TUT7: variants seen among roughly 807,000 people sequenced by gnomAD.
TUT7 encodes the protein terminal uridylyl transferase 7.
A neutral mutation model predicts 165.9 loss-of-function variants in TUT7; 33 were observed. The observed-to-expected ratio is 0.20, with a 90% CI of 0.15 to 0.27. TUT7 has a LOEUF of 0.27. Among genes scored for constraint, TUT7 ranks in the 10% least tolerant of loss-of-function variants. The pLI, the probability that TUT7 is intolerant of heterozygous loss-of-function variation, is 1.00. For missense variants in TUT7, 1,338 were observed against 1,762.3 expected (o/e 0.76, Z 4.31); for synonymous variants, 552 against 608.1 (o/e 0.91, Z 1.36).
chr9:86,298,176 G>A (rs555269469), intron 26 of TUT7, among the ~76,000 whole-genome samples: 7 of 152,028 alleles, frequency 4.6e-5, no homozygotes, highest in Admixed American at 6.5e-5. Context: ...CCTAGCATTT[G>A]CCACCACATG....
chr9:86,299,144 C>T (rs1037774600), intron 26 of TUT7, among the ~76,000 whole-genome samples: 4 of 152,148 alleles, frequency 2.6e-5, no homozygotes, highest in African/African-American at 7.2e-5. Context: ...CAGGGAGCAG[C>T]TCCTGAGTGA....
At chr9:86,290,072 T>C (rs1480388793) in intron 26 of TUT7, among the ~76,000 whole-genome samples, 1 of 152,152 alleles carries the variant, frequency 6.6e-6, no homozygotes, top group Admixed American at 6.5e-5. Context: ...ATCTGTAAAA[T>C]GAGGACAATA....
In TUT7 at chr9:86,325,349, G is replaced by A. The variant is rs754376979; in HGVS notation, c.1774C>T (p.Arg592Cys). ...TTTGAGATACCTTCAATGGCAATGC[G>A]CTTTTTGGGCCAATCCTTCAATTCC... The part of the protein sequence containing the change: ...SRELKDWPKK[R>C]IAIEDPYSVK... The change falls in exon 12 of 27, where the codon CGC (arginine) becomes TGC (cysteine). Residue 592 changes from arginine (R) to cysteine (C), a missense_variant. Around this residue, in one of 7 missense-constraint regions of TUT7, gnomAD observed 28 missense variants for 69.4 expected, o/e 0.40. Transcript: ENST00000375963. 3 of 1,613,630 alleles carry A rather than the reference G, an allele frequency of 1.9e-6. No individual in the cohort carries two copies. The Admixed American group carries it at 5.0e-5, about 27-fold the overall frequency.
chr9:86,291,030 T>C (rs1046156024), intron 26 of TUT7, among the ~76,000 whole-genome samples: 2 of 152,156 alleles, frequency 1.3e-5, no homozygotes, highest in Non-Finnish European at 2.9e-5. Context: ...CCCTAAATTA[T>C]GAACCAAATG....
chr9:86,327,693 C>CACT (rs888848230), intron 11 of TUT7, among the ~76,000 whole-genome samples: 2 of 152,224 alleles, frequency 1.3e-5, no homozygotes, highest in African/African-American at 4.8e-5. Context: ...TCTGATTCAC[C>CACT]ACTAACTCCT....
chr9:86,290,686 CAAAAAA>C (rs749800073), intron 26 of TUT7, among the ~76,000 whole-genome samples: 1 of 54,774 alleles, frequency 1.8e-5, no homozygotes, highest in Non-Finnish European at 3.9e-5. Context: ...TACTAAAATA[CAAAAAA>C]AAAAAAAAAA....
chr9:86,335,310 T>C (rs938297950), intron 10 of TUT7, among the ~76,000 whole-genome samples: 2 of 152,190 alleles, frequency 1.3e-5, no homozygotes, highest in African/African-American at 4.8e-5. Context: ...AAAGTATGAA[T>C]ATCTGCTAAG....
rs1829477598 is a variant in TUT7 at position 86,323,188 on chromosome 9, CTCT to C, written c.2559_2561del (p.Glu859del). The C allele has an allele frequency of 1.4e-5, 23 of 1,614,034 alleles. No individual in the cohort carries two copies. Among genetic ancestry groups the C allele is most frequent in the Non-Finnish European group, 1.7e-5 (20 of 1,180,024 alleles). On this transcript the variant is annotated inframe_deletion, in exon 13 of 27. Coordinates refer to ENST00000375963, the MANE Select transcript of TUT7 (RefSeq NM_024617.4). Reference sequence around the variant, plus strand: ...TGAGCCTAGGTTCTTCTTCCTCCTCCTCTTCTTCGTCGTCCTCCTCCTCTTCAT... The same window carrying C: ...TGAGCCTAGGTTCTTCTTCCTCCTCCTCTTCGTCGTCCTCCTCCTCTTCAT...
At chr9:86,316,309 G>GA (rs1291982553) in intron 17 of TUT7, among the ~76,000 whole-genome samples, 1 of 152,064 alleles carries the variant, frequency 6.6e-6, no homozygotes, top group Non-Finnish European at 1.5e-5. Context: ...ATTTATCAAT[G>GA]AAAAAAAGAG....
intron 20 of TUT7, 28 bp from the exon 21 acceptor site, chr9:86,309,317 T>A (rs200993973): frequency 2.8e-5 from 41 of 1,477,242 alleles, no homozygotes; most frequent in Admixed American, 5.7e-5. Context: ...ACTATTAGTA[T>A]GGATTACAAA....
chr9:86,294,011 A>G (rs1048138694), intron 26 of TUT7, among the ~76,000 whole-genome samples: 1 of 152,158 alleles, frequency 6.6e-6, no homozygotes, highest in East Asian at 1.9e-4. Context: ...GTCTCAAAGT[A>G]CTAGGATTAT....
At chr9:86,320,966 C>T (rs1002437822) in intron 14 of TUT7, among the ~76,000 whole-genome samples, 16 of 152,284 alleles carry the variant, frequency 1.1e-4, no homozygotes, top group Admixed American at 3.9e-4. Context: ...TTTCTGGGGC[C>T]TGGATCTGCT....
rs1221989000 is a variant in TUT7 at position 86,311,847 on chromosome 9, C to A, written c.3275-1038G>T. On this transcript the variant is annotated intron_variant, in intron 17 of 26. Coordinates refer to ENST00000375963, the MANE Select transcript of TUT7 (RefSeq NM_024617.4). The surrounding 1 kb of genome is among the most constrained non-coding windows in gnomAD (Gnocchi z 4.4). ...GTGTTGGCCGGGCTGGTCTCCAGCT[C>A]CTAACCACGAGTGATCCGCCAGCCT... 6.6e-6 allele frequency among the ~76,000 whole-genome samples: 1 copy of A among 152,244 alleles called. No individual in the cohort carries two copies. The highest frequency in any genetic ancestry group is 1.5e-5 in the Non-Finnish European group (1 of 68,040).
chr9:86,313,906 A>T (rs961992327), intron 17 of TUT7, among the ~76,000 whole-genome samples: 3 of 152,204 alleles, frequency 2.0e-5, no homozygotes, highest in Admixed American at 1.3e-4. Context: ...TAGGTAGAAG[A>T]CATTTCAGGA....
Position 86,288,540 on chromosome 9 carries a change from T to TAA in TUT7, c.*135_*136dup. 3 of 555,260 alleles carry TAA rather than the reference T, an allele frequency of 5.4e-6. No individual in the cohort carries two copies. Among genetic ancestry groups the TAA allele is most frequent in the Non-Finnish European group, 9.0e-6 (3 of 334,716 alleles). 34.4% of individuals were successfully genotyped at this position (555,260 alleles called of 1,614,324 possible). On this transcript the variant is annotated 3_prime_UTR_variant, in exon 27 of 27. Transcript: ENST00000375963. ...TTCCTCATTAACAATTTCATTAAAT[T>TAA]AAAAAAAAATCTGACATTTCCCTTA... is the stretch of plus-strand genomic sequence containing the variant.
intron 8 of TUT7, among the ~76,000 whole-genome samples, chr9:86,339,250 G>A (rs1292991448): frequency 6.6e-6 from 1 of 152,192 alleles, no homozygotes; most frequent in Non-Finnish European, 1.5e-5. Flanking sequence ...TTTCGGGCCA[G>A]GCATGGTGGC....
chr9:86,316,544 CACT>C (rs1828736045), intron 17 of TUT7, among the ~76,000 whole-genome samples: 1 of 152,230 alleles, frequency 6.6e-6, no homozygotes, highest in Non-Finnish European at 1.5e-5. Flanking sequence ...CTTTCCTTGA[CACT>C]TCACACAATT....
At chr9:86,333,069 A>G (rs1356360932) in intron 10 of TUT7, among the ~76,000 whole-genome samples, 1 of 152,056 alleles carries the variant, frequency 6.6e-6, no homozygotes, top group African/African-American at 2.4e-5. Flanking sequence ...ATTGCATTTT[A>G]GACATTGTAA....
chr9:86,354,308 G>A lies in TUT7; in HGVS notation c.-69C>T, dbSNP rs1832560765. The A allele has an allele frequency of 6.5e-6, 1 of 152,728 alleles. No homozygotes were observed. Among genetic ancestry groups the A allele is most frequent in the South Asian group, 2.1e-4 (1 of 4,826 alleles). 9.5% of individuals were successfully genotyped at this position (152,728 alleles called of 1,614,324 possible). On this transcript the variant is annotated 5_prime_UTR_variant, in exon 1 of 27. Coordinates refer to ENST00000375963, the MANE Select transcript of TUT7 (RefSeq NM_024617.4). ...GCCGGACAGCTACTCTGGAGTCCAG[G>A]AAACCAACTGGAGAATCAGCCCGGA...
Sources: allele counts gnomAD v4.1 joint callset (sites outside exome capture counted in the v4.1 genomes callset), GRCh38; gene constraint gnomAD v4.1.1; regional missense constraint gnomAD v4.1.1; non-coding constraint Gnocchi (gnomAD v3.1); transcripts MANE v1.5; gene names NCBI Gene and HGNC (gene_info 2026-07-23, HGNC 2026-07-21).